The following HIVEP3 variants were observed in gnomAD, a reference collection of about 807,000 sequenced individuals.
The protein encoded by HIVEP3 is HIVEP zinc finger 3, also known as transcription factor HIVEP3.
Under a neutral mutation model 152.8 loss-of-function variants are expected in HIVEP3, and 49 were observed. The ratio of observed to expected loss-of-function variants is 0.32; its 90% CI spans 0.26 to 0.41. The LOEUF is 0.41. Among genes scored for constraint, HIVEP3 ranks in the 10% least tolerant of loss-of-function variants. The pLI, the probability that HIVEP3 is intolerant of heterozygous loss-of-function variation, is 1.00. For missense variants in HIVEP3, 2,790 were observed against 3,103.3 expected (o/e 0.90, Z 2.40); for synonymous variants, 1,269 against 1,289.0 (o/e 0.98, Z 0.33).
intron 1 of HIVEP3, among the ~76,000 whole-genome samples, chr1:41,723,654 A>G (rs1222358075): frequency 6.6e-6 from 1 of 152,214 alleles, no homozygotes; most frequent in Non-Finnish European, 1.5e-5. Flanking sequence ...TTAGCAGTCA[A>G]GCAGTAGCAA....
In HIVEP3 at chr1:41,581,621, C is replaced by G. The variant is rs1293629688; in HGVS notation, c.3177G>C (p.Leu1059Phe). 6.2e-7 allele frequency: 1 copy of G among 1,614,160 alleles called. No homozygotes were observed. Among genetic ancestry groups the G allele is most frequent in the East Asian group, 2.2e-5 (1 of 44,886 alleles). ...CCTGTCTTCCCTTGGGGGCAACCTC[C>G]AACTCAGATTCTGGAGGCCTGCTCA... ...ASLSRPPESE[L>F]EVAPKGRQES... The change falls in exon 4 of 9, where the codon TTG (leucine) becomes TTC (phenylalanine). Residue 1059 changes from leucine to phenylalanine, a missense_variant. Physicochemically the swap from Leu to Phe is conservative, Grantham distance 22. Transcript: ENST00000372583. This position sits in a 1 kb window ranked among gnomAD's most constrained non-coding sequence, Gnocchi z 4.5.
At chr1:41,845,884 T>C (rs539930486) in intron 1 of HIVEP3, among the ~76,000 whole-genome samples, 31 of 152,232 alleles carry the variant, frequency 2.0e-4, no homozygotes, top group Middle Eastern at 3.4e-3. Context: ...CTGGCCAACA[T>C]GGTGAAACCC....
chr1:42,022,974 G>C lies in HIVEP3; in HGVS notation n.119+12833C>G, dbSNP rs558604408. ...TTCTTATTCCATTATTTTCATAGTA[G>C]TTTTTCTTTTAAAATTTTTCTATTT... On this transcript the variant is annotated intron_variant and non_coding_transcript_variant, in intron 1 of 3. Transcript: ENST00000489103. 5.3e-5 allele frequency among the ~76,000 whole-genome samples: 8 copies of C among 152,188 alleles called. No homozygotes were observed. In the East Asian group the frequency reaches 1.3e-3, roughly 26 times the overall value.
chr1:41,993,657 C>T (rs1341085990), intron 1 of HIVEP3, among the ~76,000 whole-genome samples: 36 of 152,008 alleles, frequency 2.4e-4, no homozygotes, highest in Non-Finnish European at 4.1e-4. Context: ...TGGGTATATA[C>T]CCAAAGGACT....
chr1:41,776,305 GAGAC>G (rs1648700832), intron 1 of HIVEP3, among the ~76,000 whole-genome samples: 2 of 152,242 alleles, frequency 1.3e-5, no homozygotes, highest in African/African-American at 2.4e-5. Flanking sequence ...GCCTTCTCTT[GAGAC>G]AGGTTTGAAT....
intron 5 of HIVEP3, among the ~76,000 whole-genome samples, chr1:41,546,159 C>CA (rs543047098): frequency 1.3e-3 from 194 of 152,306 alleles, no homozygotes; most frequent in African/African-American, 4.4e-3. Flanking sequence ...CGGGTGACTA[C>CA]AGCTGGAACA....
At chr1:41,545,011 C>T (rs1226420164) in intron 5 of HIVEP3, among the ~76,000 whole-genome samples, 1 of 107,608 alleles carries the variant, frequency 9.3e-6, no homozygotes, top group Non-Finnish European at 2.1e-5. Flanking sequence ...ATCACCACCA[C>T]CACCACTACC....
intron 1 of HIVEP3, among the ~76,000 whole-genome samples, chr1:41,828,406 C>T (rs1228160139): frequency 2.6e-5 from 4 of 152,156 alleles, no homozygotes; most frequent in African/African-American, 9.7e-5. Context: ...TTTTGGGAAC[C>T]GTCCAAATGG....
At chr1:41,765,254 C>T (rs1647937621) in intron 1 of HIVEP3, among the ~76,000 whole-genome samples, 1 of 152,330 alleles carries the variant, frequency 6.6e-6, no homozygotes, top group Middle Eastern at 3.4e-3. Context: ...ACTTCCTCAT[C>T]TCCCCAGCTA....
At chr1:42,035,407 C>T (rs1428769746) in intron 1 of HIVEP3, among the ~76,000 whole-genome samples, 1 of 152,256 alleles carries the variant, frequency 6.6e-6, no homozygotes, top group African/African-American at 2.4e-5. Flanking sequence ...ATCTCTCAGA[C>T]GTCAACAAAC....
intron 3 of HIVEP3, among the ~76,000 whole-genome samples, chr1:41,607,568 C>G (rs1644838697): frequency 6.6e-6 from 1 of 152,100 alleles, no homozygotes; most frequent in Non-Finnish European, 1.5e-5. Flanking sequence ...TATATTCAAA[C>G]TGTTTCCTTT....
intron 1 of HIVEP3, among the ~76,000 whole-genome samples, chr1:41,933,100 C>A (rs1357770481): frequency 1.3e-5 from 2 of 151,930 alleles, no homozygotes; most frequent in Non-Finnish European, 2.9e-5. Flanking sequence ...AACATAGTAT[C>A]ATTTGGAGAA....
intron 1 of HIVEP3, among the ~76,000 whole-genome samples, chr1:41,990,020 T>A (rs1333746761): frequency 1.5e-5 from 1 of 66,954 alleles, no homozygotes; most frequent in Admixed American, 1.5e-4. Flanking sequence ...CTAGTCTCGA[T>A]GGTCTTTACA....
intron 2 of HIVEP3, among the ~76,000 whole-genome samples, chr1:41,649,312 C>A (rs185097172): frequency 4.9e-4 from 74 of 152,324 alleles, no homozygotes; most frequent in Non-Finnish European, 8.7e-4. Context: ...TGCAGAATCC[C>A]AGGCTCCACC....
chr1:41,706,298 TA>T (rs145087363), intron 1 of HIVEP3, among the ~76,000 whole-genome samples: 4,333 of 152,282 alleles, frequency 0.028, 91 homozygotes, highest in Non-Finnish European at 0.041. Flanking sequence ...TTTATTTACT[TA>T]TTTTTTTTGA....
chr1:41,793,414 T>C (rs1264117745), intron 1 of HIVEP3, among the ~76,000 whole-genome samples: 1 of 152,160 alleles, frequency 6.6e-6, no homozygotes, highest in African/African-American at 2.4e-5. Flanking sequence ...CTATGACTGG[T>C]GCCACAAAAG....
chr1:41,766,843 A>C (rs187774324), intron 1 of HIVEP3, among the ~76,000 whole-genome samples: 1 of 152,332 alleles, frequency 6.6e-6, no homozygotes, highest in East Asian at 1.9e-4. Flanking sequence ...AAGCCATGTC[A>C]AGAATGAACA....
chr1:41,870,526 C>T (rs1458321039), intron 1 of HIVEP3, among the ~76,000 whole-genome samples: 3 of 152,134 alleles, frequency 2.0e-5, no homozygotes, highest in African/African-American at 4.8e-5. Context: ...CCATACTGGC[C>T]GGGTGAACGT....
At chr1:41,758,968 A>T (rs1027921681) in intron 1 of HIVEP3, among the ~76,000 whole-genome samples, 3 of 152,130 alleles carry the variant, frequency 2.0e-5, no homozygotes, top group Admixed American at 1.3e-4. Context: ...TTGCCATTTT[A>T]ACCATTTTAA....
Sources: allele counts gnomAD v4.1 joint callset (sites outside exome capture counted in the v4.1 genomes callset), GRCh38; gene constraint gnomAD v4.1.1; non-coding constraint Gnocchi (gnomAD v3.1); transcripts MANE v1.5; gene names NCBI Gene and HGNC (gene_info 2026-07-23, HGNC 2026-07-21).